EPHA7: variants seen among roughly 807,000 people sequenced by gnomAD.
The protein encoded by EPHA7 is ephrin type-A receptor 7.
A neutral mutation model predicts 112.6 loss-of-function variants in EPHA7; 25 were observed. That is an observed-to-expected ratio of 0.22 (90% confidence interval 0.16 to 0.31). EPHA7 has a LOEUF of 0.31. Among genes scored for constraint, EPHA7 ranks in the 10% least tolerant of loss-of-function variants. The pLI is 1.00. For missense variants in EPHA7, 962 were observed against 1,212.6 expected (o/e 0.79, Z 3.07); for synonymous variants, 437 against 406.5 (o/e 1.07, Z -0.90).
At chr6:93,403,785 A>G (rs1488824639) in intron 3 of EPHA7, among the ~76,000 whole-genome samples, 2 of 152,126 alleles carry the variant, frequency 1.3e-5, no homozygotes, top group East Asian at 3.9e-4. Flanking sequence ...TATGGTAACT[A>G]CGTAGGAAAA....
chr6:93,333,133 C>A (rs1243627274), intron 5 of EPHA7, among the ~76,000 whole-genome samples: 1 of 151,666 alleles, frequency 6.6e-6, no homozygotes, highest in Non-Finnish European at 1.5e-5. Flanking sequence ...AGAACATGTA[C>A]CATTTGGTTT....
intron 5 of EPHA7, among the ~76,000 whole-genome samples, chr6:93,284,868 G>A (rs887590142): frequency 6.6e-6 from 1 of 151,820 alleles, no homozygotes; most frequent in Non-Finnish European, 1.5e-5. Flanking sequence ...CTAGGGGAGG[G>A]ATAGCATTAG....
intron 5 of EPHA7, among the ~76,000 whole-genome samples, chr6:93,348,610 T>C (rs1468323427): frequency 6.6e-6 from 1 of 151,848 alleles, no homozygotes; most frequent in Non-Finnish European, 1.5e-5. Flanking sequence ...TGTAAACAGT[T>C]TAAGATTTTA....
In EPHA7 at chr6:93,411,124, G is replaced by A; in HGVS notation, c.209C>T (p.Thr70Ile). The A allele has an allele frequency of 3.1e-6, 5 of 1,613,798 alleles. No individual in the cohort carries two copies. The highest frequency in any genetic ancestry group is 4.2e-6 in the Non-Finnish European group (5 of 1,179,944). The change falls in exon 3 of 17, where the codon ACA (threonine) becomes ATA (isoleucine). Residue 70 changes from threonine to isoleucine, a missense_variant. Physicochemically the swap from Thr to Ile is moderately conservative, Grantham distance 89. Transcript: ENST00000369303. ...CTCCATGACTTGGCACACCTGGTAT[G>A]TTCGTATCGGGGTATAGTTCTCATC... ...GLDENYTPIR[T>I]YQVCQVMEPN...
chr6:93,309,338 T>C lies in EPHA7; in HGVS notation c.1325-36916A>G, dbSNP rs569017555. On this transcript the variant is annotated intron_variant, in intron 5 of 16. Coordinates refer to ENST00000369303, the MANE Select transcript of EPHA7 (RefSeq NM_004440.4). ...GACTTTATTTCTGAAATTCTTCATG[T>C]TATGAAGGCTACTTTCAAAATGTTC... 1.4e-4 allele frequency among the ~76,000 whole-genome samples: 21 copies of C among 152,364 alleles called. No homozygotes were observed. The South Asian group carries it at 4.3e-3, about 32-fold the overall frequency.
intron 5 of EPHA7, among the ~76,000 whole-genome samples, chr6:93,282,636 G>C (rs1269653704): frequency 6.6e-6 from 1 of 152,148 alleles, no homozygotes; most frequent in African/African-American, 2.4e-5. Flanking sequence ...CAGCTTGCGG[G>C]GAGGTGTGGA....
At chr6:93,271,591 C>G (rs930357163) in intron 6 of EPHA7, among the ~76,000 whole-genome samples, 2 of 151,976 alleles carry the variant, frequency 1.3e-5, no homozygotes, top group East Asian at 3.9e-4. Flanking sequence ...AACATTTTCT[C>G]TCTCTTTCCA....
chr6:93,255,706 CCTCAAAATGCTTAG>C (rs1770412469), intron 13 of EPHA7, 108 bp downstream of exon 13: 1 of 829,988 alleles, frequency 1.2e-6, no homozygotes, highest in South Asian at 1.8e-5. Flanking sequence ...AAAAAAGCAA[CCTCAAAATGCTTAG>C]CTCAATTTGC....
chr6:93,259,544 A>G (rs1770593626), intron 9 of EPHA7, 65 bp from the exon 10 acceptor site: 1 of 1,587,646 alleles, frequency 6.3e-7, no homozygotes, highest in Non-Finnish European at 8.6e-7. Flanking sequence ...TCAGCCCAGG[A>G]ATTTCATTAT....
At chr6:93,417,089 A>T (rs1582703840) in intron 1 of EPHA7, among the ~76,000 whole-genome samples, 1 of 152,144 alleles carries the variant, frequency 6.6e-6, no homozygotes, top group East Asian at 1.9e-4. Flanking sequence ...GGCGGCATTT[A>T]CGGAGAGAAA....
chr6:93,413,353 T>G (rs1478538619), intron 2 of EPHA7, among the ~76,000 whole-genome samples: 1 of 151,950 alleles, frequency 6.6e-6, no homozygotes, highest in Non-Finnish European at 1.5e-5. Flanking sequence ...TTGACAGTCA[T>G]AATTTGTCAT....
At chr6:93,359,874 G>GAGATAGAT (rs66894419) in intron 3 of EPHA7, among the ~76,000 whole-genome samples, 3,982 of 127,838 alleles carry the variant, frequency 0.031, 63 homozygotes, top group African/African-American at 0.043. Context: ...GAGAGAGAGA[G>GAGATAGAT]AGATAGATAG....
At chr6:93,400,493 G>A (rs1374560326) in intron 3 of EPHA7, among the ~76,000 whole-genome samples, 1 of 151,664 alleles carries the variant, frequency 6.6e-6, no homozygotes, top group Non-Finnish European at 1.5e-5. Context: ...CCCTCTCCTG[G>A]TCCAACTCTC....
At chr6:93,318,163 T>C (rs1773899082) in intron 5 of EPHA7, among the ~76,000 whole-genome samples, 1 of 152,206 alleles carries the variant, frequency 6.6e-6, no homozygotes. Flanking sequence ...AAATAGTGTA[T>C]ATGAAAACAC....
intron 3 of EPHA7, among the ~76,000 whole-genome samples, chr6:93,372,186 A>T (rs1355415420): frequency 6.6e-6 from 1 of 152,168 alleles, no homozygotes; most frequent in African/African-American, 2.4e-5. Context: ...TTAAATAAAC[A>T]TTTGTGAGTG....
At chr6:93,253,531 AT>A (rs1158819197) in intron 14 of EPHA7, among the ~76,000 whole-genome samples, 4 of 151,978 alleles carry the variant, frequency 2.6e-5, no homozygotes, top group African/African-American at 7.2e-5. Flanking sequence ...AACACTACTT[AT>A]TTTTTTGACT....
intron 3 of EPHA7, among the ~76,000 whole-genome samples, chr6:93,382,583 G>T (rs1037049511): frequency 1.3e-5 from 2 of 152,178 alleles, no homozygotes; most frequent in Non-Finnish European, 2.9e-5. Flanking sequence ...AGTTTGCTTT[G>T]TCATTTCTCT....
intron 5 of EPHA7, among the ~76,000 whole-genome samples, chr6:93,301,766 A>T (rs751288314): frequency 9.2e-5 from 14 of 152,122 alleles, no homozygotes; most frequent in Non-Finnish European, 1.3e-4. Flanking sequence ...CTCAAAGACA[A>T]TCTAGAATAA....
rs1775974480 is a variant in EPHA7, at chr6:93,356,890, C to T, written c.1151G>A (p.Ser384Asn). The T allele has an allele frequency of 6.2e-7, 1 of 1,614,166 alleles. No individual in the cohort carries two copies. Among genetic ancestry groups the T allele is most frequent in the African/African-American group, 1.3e-5 (1 of 75,058 alleles). The change falls in exon 5 of 17, where the codon AGT becomes AAT. Residue 384 changes from serine to asparagine, a missense_variant. This residue lies in a region of EPHA7 where 746 missense variants were observed against 889.2 expected (regional missense o/e 0.84). Coordinates refer to ENST00000369303, the MANE Select transcript of EPHA7 (RefSeq NM_004440.4). ...CTGCTGGGGCATGTATCCAATGTTA[C>T]TCCCACAGGGAACACATTCGCCCTG... ...WEQGECVPCG[S>N]NIGYMPQQTG...
Sources: allele counts gnomAD v4.1 joint callset (sites outside exome capture counted in the v4.1 genomes callset), GRCh38; gene constraint gnomAD v4.1.1; regional missense constraint gnomAD v4.1.1; transcripts MANE v1.5; gene names NCBI Gene and HGNC (gene_info 2026-07-23, HGNC 2026-07-21).